TAF13: variants seen among roughly 807,000 people sequenced by gnomAD.
The protein encoded by TAF13 is TATA-box binding protein associated factor 13.
TAF13 carries 9 observed loss-of-function variants against 18.7 expected under a neutral mutation model. That is an observed-to-expected ratio of 0.48 (90% confidence interval 0.29 to 0.84). TAF13 has a LOEUF of 0.84. Ranked by LOEUF, TAF13 falls within the 40% of genes least tolerant of loss-of-function variation. The pLI, the probability that TAF13 is intolerant of heterozygous loss-of-function variation, is 0.08. For synonymous variants in TAF13, 49 were observed against 44.1 expected, an observed-to-expected ratio of 1.11 and a Z score of -0.44; for missense variants, 105 against 146.5, an observed-to-expected ratio of 0.72 and a Z score of 1.46.
chr1:109,073,230 C>T (rs1336987305), intron 2 of TAF13, among the ~76,000 whole-genome samples: 7 of 152,002 alleles, frequency 4.6e-5, no homozygotes, highest in Non-Finnish European at 1.0e-4. Context: ...ACACTAATTA[C>T]ATTTGCTCAC....
chr1:109,068,528 C>T (rs1434415886), intron 2 of TAF13, among the ~76,000 whole-genome samples: 4 of 151,742 alleles, frequency 2.6e-5, no homozygotes, highest in South Asian at 2.1e-4. Context: ...TTTATTTTTT[C>T]GTAGAGACAG....
intron 2 of TAF13, among the ~76,000 whole-genome samples, chr1:109,070,183 T>C (rs1276716523): frequency 6.6e-6 from 1 of 152,190 alleles, no homozygotes; most frequent in Non-Finnish European, 1.5e-5. Flanking sequence ...CGATAGTTCC[T>C]TGACTTTTTC....
intron 2 of TAF13, among the ~76,000 whole-genome samples, chr1:109,073,143 C>G (rs569516972): frequency 1.3e-5 from 2 of 152,242 alleles, no homozygotes; most frequent in African/African-American, 4.8e-5. Flanking sequence ...CTGTGGCTTA[C>G]AGTCAAAGAA....
chr1:109,064,373 T>G lies in TAF13; in HGVS notation c.*150A>C, dbSNP rs111650544. The G allele has an allele frequency of 0.06, 39,246 of 653,264 alleles. 1,317 individuals are homozygous for G. The highest frequency in any genetic ancestry group is 0.075 in the African/African-American group (3,986 of 52,892). 40.5% of individuals were successfully genotyped at this position (653,264 alleles called of 1,614,324 possible). On this transcript the variant is annotated 3_prime_UTR_variant, in exon 4 of 4. Coordinates refer to ENST00000338366, the MANE Select transcript of TAF13 (RefSeq NM_005645.4). ...GCAATTACATGCACCAATATCACCC[T>G]AAAATCAAAGGCATAAAAATAAAGG...
chr1:109,065,997 T>C (rs988356371), intron 3 of TAF13, 138 bp downstream of exon 3: 1 of 646,850 alleles, frequency 1.5e-6, no homozygotes, highest in Non-Finnish European at 2.7e-6. Context: ...TGATAAATAG[T>C]AACCAATAAC....
At chr1:109,065,909 G>A (rs1475515038) in intron 3 of TAF13, among the ~76,000 whole-genome samples, 4 of 137,074 alleles carry the variant, frequency 2.9e-5, no homozygotes, top group African/African-American at 1.1e-4. Context: ...CAACAAGAAC[G>A]AAACTCCATC....
intron 2 of TAF13, among the ~76,000 whole-genome samples, chr1:109,067,036 G>A (rs1663963579): frequency 6.6e-6 from 1 of 152,006 alleles, no homozygotes; most frequent in Non-Finnish European, 1.5e-5. Context: ...TGTTCTTATA[G>A]GAAGAAACAG....
intron 2 of TAF13, among the ~76,000 whole-genome samples, chr1:109,071,003 T>C (rs1664039544): frequency 6.6e-6 from 1 of 152,176 alleles, no homozygotes. Flanking sequence ...GATTTGGATG[T>C]TTAAAAAATA....
intron 2 of TAF13, among the ~76,000 whole-genome samples, chr1:109,070,328 C>CCTGCCT (rs1237828779): frequency 6.6e-6 from 1 of 152,176 alleles, no homozygotes; most frequent in Non-Finnish European, 1.5e-5. Context: ...AAGCGATTCT[C>CCTGCCT]CTGCCTCTGC....
intron 2 of TAF13, 87 bp from the exon 3 acceptor site, chr1:109,066,319 G>C: frequency 1.0e-6 from 1 of 994,910 alleles, no homozygotes; most frequent in Non-Finnish European, 1.5e-6. Context: ...AATGAACCAA[G>C]TTATAGATAA....
intron 2 of TAF13, among the ~76,000 whole-genome samples, chr1:109,072,021 CATATAT>C (rs1169146864): frequency 2.1e-4 from 1 of 4,684 alleles, no homozygotes; most frequent in African/African-American, 7.5e-4. Context: ...TATACACACA[CATATAT>C]ATATATATAT....
chr1:109,071,947 T>G (rs1664061869), intron 2 of TAF13, among the ~76,000 whole-genome samples: 1 of 136,322 alleles, frequency 7.3e-6, no homozygotes, highest in Non-Finnish European at 1.6e-5. Flanking sequence ...AGACTCTGTC[T>G]CAAAAAGAAA....
chr1:109,072,782 T>C (rs1220976862), intron 2 of TAF13, among the ~76,000 whole-genome samples: 23 of 1,516 alleles, frequency 0.015, no homozygotes, highest in Admixed American at 0.1. Context: ...TTCACCACCT[T>C]TTTTTTTTTT....
intron 2 of TAF13, among the ~76,000 whole-genome samples, chr1:109,071,987 T>A (rs1444571403): frequency 0.011 from 108 of 9,810 alleles, 16 homozygotes; most frequent in East Asian, 0.063. Context: ...CACACATATA[T>A]ATATATATAT....
At position 109,064,289 on chromosome 1, in the gene TAF13, G is replaced by T; in HGVS notation, c.*234C>A. 3.7e-6 allele frequency: 1 copy of T among 272,088 alleles called. No homozygotes were observed. The highest frequency in any genetic ancestry group is 6.8e-6 in the Non-Finnish European group (1 of 147,576). The allele number at this position is 272,088 out of a possible 1,614,324, so 16.9% of individuals were successfully genotyped here. ...AACGGCATGGTTTGCAAGGTACTTTGACTTATGTGTGGTCATTAAAACCCA... is the reference window on the plus strand; with the variant it reads ...AACGGCATGGTTTGCAAGGTACTTTTACTTATGTGTGGTCATTAAAACCCA... On this transcript the variant is annotated 3_prime_UTR_variant, in exon 4 of 4. Transcript: ENST00000338366.
intron 1 of TAF13, among the ~76,000 whole-genome samples, chr1:109,075,622 A>G (rs1664165795): frequency 6.6e-6 from 1 of 152,208 alleles, no homozygotes; most frequent in South Asian, 2.1e-4. Context: ...TTTGTTAACA[A>G]TTGAACTGTT....
Position 109,064,528 on chromosome 1 carries a change from A to G in TAF13, c.370T>C (p.Ser124Pro), listed in dbSNP as rs1425850972. 1.3e-6 allele frequency: 2 copies of G among 1,492,066 alleles called. No individual in the cohort carries two copies. The highest frequency in any genetic ancestry group is 1.8e-6 in the Non-Finnish European group (2 of 1,119,108). 92.4% of individuals were successfully genotyped at this position (1,492,066 alleles called of 1,614,324 possible). ...RKAFDEANYG[S>P] ...TTCGGAAACTACAAAAAGTGTCAAG[A>G]TCCATAATTTGCTTCATCAAATGCT... The change falls in exon 4 of 4, where the codon TCT (serine) becomes CCT (proline). Residue 124 changes from serine (S) to proline (P), a missense_variant. Coordinates refer to ENST00000338366, the MANE Select transcript of TAF13 (RefSeq NM_005645.4).
At chr1:109,072,617 GTAT>G (rs886653749) in intron 2 of TAF13, among the ~76,000 whole-genome samples, 1 of 151,590 alleles carries the variant, frequency 6.6e-6, no homozygotes, top group African/African-American at 2.4e-5. Context: ...GCTAATTTTT[GTAT>G]TTTTTGTAGA....
intron 2 of TAF13, among the ~76,000 whole-genome samples, chr1:109,072,051 CATATATATAT>C (rs1216801737): frequency 4.2e-4 from 2 of 4,738 alleles, no homozygotes; most frequent in South Asian, 8.2e-3. Context: ...TATACACACA[CATATATATAT>C]ATATATATAT....
Sources: gnomAD v4.1 joint callset for allele counts (sites outside exome capture counted in the v4.1 genomes callset) on GRCh38, gnomAD v4.1.1 for gene constraint, MANE v1.5 for transcripts, NCBI Gene and HGNC (gene_info 2026-07-23, HGNC 2026-07-21) for gene names.